PKHD1: variants seen among roughly 807,000 people sequenced by gnomAD.
PKHD1 encodes PKHD1 ciliary IPT domain containing fibrocystin/polyductin.
PKHD1 carries 291 observed loss-of-function variants against 412.0 expected under a neutral mutation model. The ratio of observed to expected loss-of-function variants is 0.71; its 90% confidence interval spans 0.64 to 0.78. PKHD1 has a LOEUF of 0.78. PKHD1 is among the 30% of genes least tolerant of loss of function. PKHD1 has a pLI of 0.00. For missense variants in PKHD1, 4,825 were observed against 4,950.7 expected (o/e 0.97, Z 0.76); for synonymous variants, 1,777 against 1,821.5 (o/e 0.98, Z 0.62).
intron 35 of PKHD1, among the ~76,000 whole-genome samples, chr6:51,979,743 C>T (rs1313701695): frequency 6.6e-6 from 1 of 152,158 alleles, no homozygotes; most frequent in Admixed American, 6.5e-5. Flanking sequence ...AGCCTCATCC[C>T]TCGCTTCTCC....
chr6:51,774,611 A>C (rs1334307359), intron 54 of PKHD1, among the ~76,000 whole-genome samples: 1 of 152,012 alleles, frequency 6.6e-6, no homozygotes, highest in Non-Finnish European at 1.5e-5. Flanking sequence ...AAGTGCTATC[A>C]AAGTGTTATA....
chr6:51,844,917 T>G (rs1352284850), intron 50 of PKHD1, among the ~76,000 whole-genome samples: 1 of 152,246 alleles, frequency 6.6e-6, no homozygotes, highest in African/African-American at 2.4e-5. Flanking sequence ...ACATTTCCCA[T>G]GTTTTTCATC....
chr6:51,873,194 C>A (rs1776272880), intron 46 of PKHD1, among the ~76,000 whole-genome samples: 1 of 123,716 alleles, frequency 8.1e-6, no homozygotes, highest in African/African-American at 3.0e-5. Flanking sequence ...GACCAGAAGG[C>A]ATATAGAATA....
chr6:51,648,386 G>A (rs1257536186), intron 62 of PKHD1, among the ~76,000 whole-genome samples: 1 of 152,098 alleles, frequency 6.6e-6, no homozygotes, highest in Non-Finnish European at 1.5e-5. Flanking sequence ...AGAAAAGAAT[G>A]GTACTATGTG....
At chr6:51,933,412 G>A (rs1020961231) in intron 37 of PKHD1, among the ~76,000 whole-genome samples, 1 of 152,168 alleles carries the variant, frequency 6.6e-6, no homozygotes, top group African/African-American at 2.4e-5. Flanking sequence ...TGGGGAGACA[G>A]GAAGAGGTTC....
At chr6:51,754,666 C>G in intron 56 of PKHD1, 118 bp downstream of exon 56, 3 of 832,716 alleles carry the variant, frequency 3.6e-6, no homozygotes, top group Non-Finnish European at 6.3e-6. Context: ...TCTAGGTCAA[C>G]AGGAAGGCAT....
At chr6:51,828,784 G>C (rs750782518) in intron 52 of PKHD1, among the ~76,000 whole-genome samples, 39 of 151,936 alleles carry the variant, frequency 2.6e-4, no homozygotes, top group Non-Finnish European at 4.7e-4. Context: ...AGAAAACAAA[G>C]GTAGATTCAA....
intron 45 of PKHD1, 39 bp downstream of exon 45, chr6:51,885,828 A>T: frequency 6.9e-6 from 9 of 1,310,752 alleles, no homozygotes; most frequent in East Asian, 2.3e-5. Flanking sequence ...TTTTAATTTT[A>T]AAAACAACAA....
intron 50 of PKHD1, among the ~76,000 whole-genome samples, chr6:51,838,964 A>G (rs1014552116): frequency 2.0e-5 from 3 of 152,238 alleles, no homozygotes; most frequent in African/African-American, 4.8e-5. Flanking sequence ...GTTAACTATT[A>G]TCAATACTGT....
chr6:51,903,949 AC>A (rs771947232), intron 42 of PKHD1, 36 bp downstream of exon 42: 1 of 1,363,052 alleles, frequency 7.3e-7, no homozygotes, highest in Non-Finnish European at 1.0e-6. Context: ...AATTTTAAAT[AC>A]ACTGTAATAG....
intron 33 of PKHD1, among the ~76,000 whole-genome samples, chr6:52,022,421 T>C (rs935652415): frequency 2.0e-5 from 3 of 152,152 alleles, no homozygotes; most frequent in Non-Finnish European, 4.4e-5. Context: ...TAAGCAGATG[T>C]CTTCAGCAAC....
At chr6:51,645,778 G>A (rs2150355788) in intron 63 of PKHD1, among the ~76,000 whole-genome samples, 1 of 152,274 alleles carries the variant, frequency 6.6e-6, no homozygotes, top group Admixed American at 6.5e-5. Flanking sequence ...AATATTTAGT[G>A]CAGAGATTTG....
At chr6:51,824,301 G>C (rs1047243284) in intron 52 of PKHD1, among the ~76,000 whole-genome samples, 4 of 151,992 alleles carry the variant, frequency 2.6e-5, no homozygotes, top group Non-Finnish European at 5.9e-5. Context: ...TTTATACTTA[G>C]ACTGCTTTAA....
At chr6:51,903,522 G>A (rs1781586846) in intron 43 of PKHD1, 75 bp downstream of exon 43, 2 of 1,349,836 alleles carry the variant, frequency 1.5e-6, no homozygotes, top group Admixed American at 1.7e-5. Flanking sequence ...AAGCCAAAAG[G>A]TTGGACACCC....
chr6:51,812,810 C>A lies in PKHD1; in HGVS notation c.8302+18051G>T, dbSNP rs572348293. Among the ~76,000 whole-genome samples the A allele has an allele frequency of 2.6e-5, 4 of 152,256 alleles. No individual in the cohort carries two copies. The South Asian group carries it at 8.3e-4, about 32-fold the overall frequency. ...TGTCTGAATAGGAAATGTTTGCCAT[C>A]TATTACCTCTAAGGGTAGTCACCTA... On this transcript the variant is annotated intron_variant, in intron 52 of 66. Coordinates refer to ENST00000371117, the MANE Select transcript of PKHD1 (RefSeq NM_138694.4).
At chr6:51,813,832 A>T (rs1045096737) in intron 52 of PKHD1, among the ~76,000 whole-genome samples, 2 of 152,182 alleles carry the variant, frequency 1.3e-5, no homozygotes, top group African/African-American at 2.4e-5. Flanking sequence ...AAACTATGTT[A>T]TTAATAAAAT....
rs1028804948 is a variant in PKHD1 at position 52,043,799 on chromosome 6, T to G, written c.2716-69A>C. 25 of 1,052,156 alleles carry G rather than the reference T, an allele frequency of 2.4e-5. 1 individual carries two copies. In the South Asian group the frequency reaches 2.9e-4, roughly 12 times the overall value. The allele number at this position is 1,052,156 out of a possible 1,614,324, so 65.2% of individuals were successfully genotyped here. On this transcript the variant is annotated intron_variant, in intron 25 of 66. Coordinates refer to ENST00000371117, the MANE Select transcript of PKHD1 (RefSeq NM_138694.4). ...TCTACCAGGGTATTCATAAAGTATA[T>G]GTGAAGTGCTCCCAAGCTGACACGT... is the stretch of plus-strand genomic sequence containing the variant.
intron 33 of PKHD1, 67 bp from the exon 34 acceptor site, chr6:52,017,696 A>T: frequency 1.6e-6 from 2 of 1,215,592 alleles, no homozygotes; most frequent in Non-Finnish European, 1.2e-6. Flanking sequence ...TCGGTTTCAC[A>T]AATGAAGTTC....
intron 35 of PKHD1, among the ~76,000 whole-genome samples, chr6:51,997,179 C>T (rs2128088829): frequency 6.6e-6 from 1 of 152,340 alleles, no homozygotes; most frequent in African/African-American, 2.4e-5. Flanking sequence ...CTAGAAGCTA[C>T]TGACAACCAC....
Sources: allele counts gnomAD v4.1 joint callset (sites outside exome capture counted in the v4.1 genomes callset), GRCh38; gene constraint gnomAD v4.1.1; transcripts MANE v1.5; gene names NCBI Gene and HGNC (gene_info 2026-07-23, HGNC 2026-07-21).